CDH13: variants seen among roughly 807,000 people sequenced by gnomAD.
The protein encoded by CDH13 is cadherin-13.
In CDH13, 24 loss-of-function variants were observed where a neutral mutation model predicts 63.8. The observed-to-expected ratio is 0.38, with a 90% confidence interval of 0.27 to 0.53. The LOEUF (loss-of-function observed/expected upper bound fraction) is 0.53, where lower values mean the gene tolerates loss of function less well. CDH13 is among the 20% of genes least tolerant of loss of function. CDH13 has a pLI of 0.85. For missense variants in CDH13, 1,049 were observed against 903.1 expected, an observed-to-expected ratio of 1.16 and a Z score of -2.07; for synonymous variants, 503 against 355.3, an observed-to-expected ratio of 1.42 and a Z score of -4.67.
At chr16:82,795,487 AG>A (rs1234655168) in intron 1 of CDH13, among the ~76,000 whole-genome samples, 2 of 152,184 alleles carry the variant, frequency 1.3e-5, no homozygotes, top group Non-Finnish European at 2.9e-5. Flanking sequence ...ACATTTTTCA[AG>A]GCTCGTTACC....
At chr16:83,515,581 T>C (rs1418102643) in intron 7 of CDH13, among the ~76,000 whole-genome samples, 8 of 152,196 alleles carry the variant, frequency 5.3e-5, no homozygotes, top group Non-Finnish European at 7.3e-5. Flanking sequence ...ACTAGAAAAT[T>C]GCCCCAGCTG....
chr16:83,248,363 C>G (rs979578871), intron 5 of CDH13, among the ~76,000 whole-genome samples: 2 of 152,180 alleles, frequency 1.3e-5, no homozygotes, highest in Admixed American at 1.3e-4. Flanking sequence ...TTGTTTGCTA[C>G]TTTTCCTATG....
intron 1 of CDH13, among the ~76,000 whole-genome samples, chr16:82,827,096 G>A (rs774158710): frequency 1.3e-5 from 2 of 152,112 alleles, no homozygotes; most frequent in Admixed American, 6.5e-5. Flanking sequence ...CTTAATTCAG[G>A]CAACACAGCC....
At position 83,177,231 on chromosome 16, in the gene CDH13, T is replaced by G. The variant is rs1202464022; in HGVS notation, c.484-40114T>G. Among the ~76,000 whole-genome samples, 4 of 152,220 alleles carry G rather than the reference T, an allele frequency of 2.6e-5. No homozygotes were observed. In the East Asian group the frequency reaches 7.7e-4, roughly 29 times the overall value. On this transcript the variant is annotated intron_variant, in intron 4 of 13. Transcript: ENST00000567109. ...AAATACTCAGATCTTTGCCACATTGTTTTATCTTAAATATGACAATTGATA... is the reference window on the plus strand; with the variant it reads ...AAATACTCAGATCTTTGCCACATTGGTTTATCTTAAATATGACAATTGATA...
intron 5 of CDH13, among the ~76,000 whole-genome samples, chr16:83,299,520 C>G (rs1035086620): frequency 6.6e-6 from 1 of 152,194 alleles, no homozygotes; most frequent in African/African-American, 2.4e-5. Context: ...TTCATCCTCA[C>G]TAGAGATCAT....
intron 1 of CDH13, among the ~76,000 whole-genome samples, chr16:82,633,849 C>A (rs573041887): frequency 1.3e-5 from 2 of 152,326 alleles, no homozygotes; most frequent in East Asian, 3.9e-4. Flanking sequence ...TCTGCCTCAT[C>A]CCATACCAGC....
At chr16:82,734,837 G>A (rs1029667924) in intron 1 of CDH13, among the ~76,000 whole-genome samples, 2 of 152,202 alleles carry the variant, frequency 1.3e-5, no homozygotes, top group Non-Finnish European at 2.9e-5. Context: ...GCATCACCTG[G>A]GTGATTGTTG....
chr16:82,769,758 C>G (rs1026642034), intron 1 of CDH13, among the ~76,000 whole-genome samples: 1 of 152,164 alleles, frequency 6.6e-6, no homozygotes, highest in Non-Finnish European at 1.5e-5. Flanking sequence ...CAATGTGTTT[C>G]CATTGACCTG....
chr16:83,553,903 A>G lies in CDH13; in HGVS notation c.961-48551A>G, dbSNP rs115566579. On this transcript the variant is annotated intron_variant, in intron 7 of 13. Transcript: ENST00000567109. ...CCAACATAATATTCACCATTTTTACATACTGTTGTTTACTTAACCACCAAT... is the reference window on the plus strand; with the variant it reads ...CCAACATAATATTCACCATTTTTACGTACTGTTGTTTACTTAACCACCAAT... 9.6e-4 allele frequency among the ~76,000 whole-genome samples: 146 copies of G among 152,380 alleles called. 2 individuals carry two copies. The highest frequency in any genetic ancestry group is 3.1e-3 in the African/African-American group (130 of 41,596).
intron 7 of CDH13, among the ~76,000 whole-genome samples, chr16:83,561,008 C>A (rs1413753900): frequency 2.0e-5 from 3 of 152,090 alleles, no homozygotes; most frequent in Admixed American, 6.5e-5. Flanking sequence ...TAAGTTCATG[C>A]TACATTTTCT....
chr16:82,849,280 G>C (rs9935163), intron 1 of CDH13, among the ~76,000 whole-genome samples: 433 of 152,102 alleles, frequency 2.8e-3, no homozygotes, highest in African/African-American at 0.01. Flanking sequence ...AAAGCAGGTG[G>C]ATCACGAGGT....
chr16:83,725,309 T>G (rs1405112368), intron 10 of CDH13, among the ~76,000 whole-genome samples: 4 of 152,204 alleles, frequency 2.6e-5, no homozygotes, highest in African/African-American at 9.7e-5. Flanking sequence ...ACGGGTCTTG[T>G]GTATCCTGTG....
At chr16:82,915,852 G>A (rs2041971271) in intron 2 of CDH13, among the ~76,000 whole-genome samples, 1 of 149,262 alleles carries the variant, frequency 6.7e-6, no homozygotes, top group African/African-American at 2.5e-5. Context: ...TGGCATACTA[G>A]ACCATCAGAA....
chr16:83,245,310 G>A (rs1378678302), intron 5 of CDH13, among the ~76,000 whole-genome samples: 1 of 152,172 alleles, frequency 6.6e-6, no homozygotes, highest in South Asian at 2.1e-4. Context: ...AATGACATCA[G>A]TCCTATTCAA....
At chr16:82,835,169 C>T (rs1245024087) in intron 1 of CDH13, among the ~76,000 whole-genome samples, 4 of 151,926 alleles carry the variant, frequency 2.6e-5, no homozygotes, top group Admixed American at 6.6e-5. Flanking sequence ...TTTTTCATAC[C>T]ACGTCTTTAA....
At chr16:83,136,402 C>T (rs1384709120) in intron 4 of CDH13, among the ~76,000 whole-genome samples, 1 of 148,206 alleles carries the variant, frequency 6.7e-6, no homozygotes, top group African/African-American at 2.5e-5. Context: ...AGGAGAATGG[C>T]GTGAACCCAG....
rs114948900 is a variant in CDH13, at chr16:83,469,332, G to C, written c.782-17145G>C. ...GTTTCTCAGGCCCTAATATTTCTTTGTGCTCAGTGAACGGGCAAGTTATCC... is the reference window on the plus strand; with the variant it reads ...GTTTCTCAGGCCCTAATATTTCTTTCTGCTCAGTGAACGGGCAAGTTATCC... On this transcript the variant is annotated intron_variant, in intron 6 of 13. Transcript: ENST00000567109. 2.7e-3 allele frequency among the ~76,000 whole-genome samples: 404 copies of C among 152,264 alleles called. 2 individuals are homozygous for C. Among genetic ancestry groups the C allele is most frequent in the African/African-American group, 9.5e-3 (396 of 41,558 alleles).
At chr16:83,278,720 A>G (rs181431720) in intron 5 of CDH13, among the ~76,000 whole-genome samples, 36 of 152,346 alleles carry the variant, frequency 2.4e-4, no homozygotes, top group Admixed American at 3.3e-4. Flanking sequence ...AGAGAAGGAT[A>G]CAAGTGTGGC....
At chr16:83,425,453 A>G (rs528335664) in intron 6 of CDH13, among the ~76,000 whole-genome samples, 12 of 152,226 alleles carry the variant, frequency 7.9e-5, no homozygotes, top group Non-Finnish European at 1.8e-4. Flanking sequence ...CAATTAATGA[A>G]TGAAACAAGC....
Sources: gnomAD v4.1 joint callset for allele counts (sites outside exome capture counted in the v4.1 genomes callset) on GRCh38, gnomAD v4.1.1 for gene constraint, MANE v1.5 for transcripts, NCBI Gene and HGNC (gene_info 2026-07-23, HGNC 2026-07-21) for gene names.